Variants in SHROOM2 observed in about 807,000 individuals in gnomAD.
SHROOM2 encodes the protein shroom family member 2.
A neutral mutation model predicts 75.9 loss-of-function variants in SHROOM2; 33 were observed. The observed-to-expected ratio is 0.43, with a 90% CI of 0.33 to 0.58. The LOEUF (loss-of-function observed/expected upper bound fraction) is 0.58. SHROOM2 is among the 20% of genes least tolerant of loss of function. The pLI, the probability that SHROOM2 is intolerant of heterozygous loss-of-function variation, is 0.04. For missense variants in SHROOM2, 1,434 were observed against 1,461.2 expected, an observed-to-expected ratio of 0.98 and a Z score of 0.30; for synonymous variants, 655 against 663.6, an observed-to-expected ratio of 0.99 and a Z score of 0.20.
At chrX:9,939,504 G>A (rs145195404) in intron 8 of SHROOM2, 138 bp downstream of exon 8, 1 of 478,550 alleles carries the variant, frequency 2.1e-6, no homozygotes, top group East Asian at 3.9e-5. Flanking sequence ...TCAGGACAGT[G>A]GAATTTGAGG....
At position 9,851,896 on chromosome X, in the gene SHROOM2, C is replaced by G. The variant is rs999940143; in HGVS notation, c.166-21756C>G. 4.5e-5 allele frequency among the ~76,000 whole-genome samples: 5 copies of G among 111,902 alleles called. No individual in the cohort carries two copies. The Admixed American group carries it at 4.8e-4, about 11-fold the overall frequency. The stretch of plus-strand genomic sequence containing the variant: ...AAAACTCTGTTAATCAATTGTTGAC[C>G]GTTTAAACTGGAATTTAACTGAGAG... On this transcript the variant is annotated intron_variant, in intron 1 of 9. Transcript: ENST00000380913.
intron 3 of SHROOM2, among the ~76,000 whole-genome samples, chrX:9,892,689 ATACGTGGTCTGTTCT>A (rs1393960302): frequency 2.7e-5 from 3 of 111,526 alleles, no homozygotes; most frequent in African/African-American, 6.5e-5. Context: ...GGGTTTGAGG[ATACGTGGTCTGTTCT>A]TACAGAAGAT....
intron 1 of SHROOM2, among the ~76,000 whole-genome samples, chrX:9,816,653 C>T (rs1331108064): frequency 9.1e-6 from 1 of 110,408 alleles, no homozygotes; most frequent in South Asian, 3.9e-4. Context: ...ACCCTCCCTG[C>T]GAAGTGGACA....
intron 1 of SHROOM2, chrX:9,818,559 C>T (rs1334253483): frequency 6.5e-6 from 2 of 306,024 alleles, no homozygotes; most frequent in Non-Finnish European, 1.2e-5. Flanking sequence ...TGCATTGCTA[C>T]CCCACACGTA....
chrX:9,791,654 T>A (rs991038371), intron 1 of SHROOM2, among the ~76,000 whole-genome samples: 4 of 111,392 alleles, frequency 3.6e-5, no homozygotes, highest in African/African-American at 1.3e-4. Flanking sequence ...ATGAAGGATT[T>A]TGAAAGAGTT....
intron 1 of SHROOM2, among the ~76,000 whole-genome samples, chrX:9,823,161 TCTTTTC>T (rs1382090914): frequency 2.9e-4 from 14 of 48,584 alleles, no homozygotes; most frequent in African/African-American, 8.7e-4. Context: ...TCCTTCTTCT[TCTTTTC>T]TTCTTCTTCT....
intron 1 of SHROOM2, among the ~76,000 whole-genome samples, chrX:9,821,808 G>A (rs1025401253): frequency 8.9e-6 from 1 of 111,915 alleles, no homozygotes; most frequent in African/African-American, 3.3e-5. Context: ...GCCAGCAGGC[G>A]TGGGGTTTCT....
Position 9,812,277 on chromosome X carries a change from G to A in SHROOM2, c.165+25567G>A, listed in dbSNP as rs369339220. On this transcript the variant is annotated intron_variant, in intron 1 of 9. Transcript: ENST00000380913. ...ACCTCAGGCACCATTGGATCATACG[G>A]CCCAAGTGGCAGAGCAGCTTGCACA... Among the ~76,000 whole-genome samples the A allele has an allele frequency of 1.1e-4, 12 of 111,800 alleles. No homozygotes were observed. In the South Asian group the frequency reaches 1.1e-3, roughly 10 times the overall value.
intron 1 of SHROOM2, among the ~76,000 whole-genome samples, chrX:9,844,732 T>C (rs2083996741): frequency 9.1e-6 from 1 of 110,157 alleles, no homozygotes; most frequent in African/African-American, 3.3e-5. Flanking sequence ...GGAGAATGGC[T>C]TGAACCCGGG....
chrX:9,946,817 C>A lies in SHROOM2; in HGVS notation c.4731C>A (p.His1577Gln). ...AGGAGAGCCTCGCGGACTATGAGCA[C>A]TTCGTGAAGATGAAGTCGGCCCTCA... ...LSEESLADYE[H>Q]FVKMKSALII... Residue 1577 changes from histidine to glutamine, a missense_variant, in exon 10 of 10, where the codon CAC becomes CAA. Coordinates refer to ENST00000380913, the MANE Select transcript of SHROOM2 (RefSeq NM_001649.4). 8.3e-7 allele frequency: 1 copy of A among 1,203,814 alleles called. No homozygotes were observed. The highest frequency in any genetic ancestry group is 1.7e-5 in the African/African-American group (1 of 57,820).
chrX:9,848,320 A>C (rs12392220), intron 1 of SHROOM2, among the ~76,000 whole-genome samples: 12,894 of 100,962 alleles, frequency 0.13, 1,360 homozygotes, highest in East Asian at 0.44. Flanking sequence ...CTGGCTAACA[A>C]GGTGAAACCC....
intron 1 of SHROOM2, among the ~76,000 whole-genome samples, chrX:9,823,184 C>T (rs868169123): frequency 2.9e-4 from 21 of 71,382 alleles, no homozygotes; most frequent in African/African-American, 1.2e-3. Flanking sequence ...TTCTTCTTCT[C>T]CTCCTCCTCC....
chrX:9,941,966 C>T (rs1431955209), intron 8 of SHROOM2, among the ~76,000 whole-genome samples: 3 of 67,513 alleles, frequency 4.4e-5, no homozygotes, highest in African/African-American at 2.5e-4. Context: ...GCAGAGACTC[C>T]GTCTCAAAAA....
chrX:9,932,953 C>T, intron 6 of SHROOM2, 83 bp downstream of exon 6: 1 of 815,903 alleles, frequency 1.2e-6, no homozygotes, highest in Non-Finnish European at 1.7e-6. Context: ...TGGGGAGTCA[C>T]CTGGGCACCT....
intron 1 of SHROOM2, among the ~76,000 whole-genome samples, chrX:9,863,697 A>G (rs1386130915): frequency 9.1e-6 from 1 of 109,953 alleles, no homozygotes; most frequent in Non-Finnish European, 1.9e-5. Flanking sequence ...AAGCGTGGGC[A>G]TAGCACACTG....
Position 9,852,343 on chromosome X carries a change from G to T in SHROOM2, c.166-21309G>T, listed in dbSNP as rs745375216. ...CCTTGGCAGGGGAGTGGGGACCAAA[G>T]ATATTACCCTCTGATTCCCAGACCA... On this transcript the variant is annotated intron_variant, in intron 1 of 9. Coordinates refer to ENST00000380913, the MANE Select transcript of SHROOM2 (RefSeq NM_001649.4). Among the ~76,000 whole-genome samples the T allele has an allele frequency of 4.4e-5, 5 of 113,035 alleles. No homozygotes were observed. In the East Asian group the frequency reaches 1.4e-3, roughly 31 times the overall value.
intron 1 of SHROOM2, among the ~76,000 whole-genome samples, chrX:9,799,237 G>A (rs936811458): frequency 3.4e-5 from 3 of 87,211 alleles, no homozygotes; most frequent in South Asian, 6.4e-4. Flanking sequence ...GCATGATCTT[G>A]GCTCACTGCA....
chrX:9,792,043 ATAG>A (rs1569132853), intron 1 of SHROOM2, among the ~76,000 whole-genome samples: 10,095 of 27,374 alleles, frequency 0.37, 1,521 homozygotes, highest in Admixed American at 0.39. Flanking sequence ...ATAGAATAGA[ATAG>A]AATAGAATAG....
At chrX:9,814,136 A>G (rs767701903) in intron 1 of SHROOM2, among the ~76,000 whole-genome samples, 2 of 111,641 alleles carry the variant, frequency 1.8e-5, no homozygotes, top group African/African-American at 3.3e-5. Flanking sequence ...CACCATCCCA[A>G]TCTCCCTAAG....
Sources: allele counts gnomAD v4.1 joint callset (sites outside exome capture counted in the v4.1 genomes callset), GRCh38; gene constraint gnomAD v4.1.1; transcripts MANE v1.5; gene names NCBI Gene and HGNC (gene_info 2026-07-23, HGNC 2026-07-21).